NLGN1: variants seen among roughly 807,000 people sequenced by gnomAD.
The protein encoded by NLGN1 is neuroligin-1.
NLGN1 carries 12 observed loss-of-function variants against 65.5 expected under a neutral mutation model. That is an observed-to-expected ratio of 0.18 (90% confidence interval 0.12 to 0.30). The LOEUF is 0.30. Ranked by LOEUF, NLGN1 falls within the 10% of genes least tolerant of loss-of-function variation. The pLI, the probability that NLGN1 is intolerant of heterozygous loss-of-function variation, is 1.00. For synonymous variants in NLGN1, 350 were observed against 359.5 expected (o/e 0.97, Z 0.30); for missense variants, 750 against 1,007.1 (o/e 0.74, Z 3.46).
intron 3 of NLGN1, among the ~76,000 whole-genome samples, chr3:173,725,895 A>G (rs1771681345): frequency 6.6e-6 from 1 of 152,054 alleles, no homozygotes; most frequent in Non-Finnish European, 1.5e-5. Flanking sequence ...CTTACCTCCT[A>G]GATGCTGCCG....
At chr3:174,169,652 C>T (rs1728161469) in intron 4 of NLGN1, among the ~76,000 whole-genome samples, 1 of 152,076 alleles carries the variant, frequency 6.6e-6, no homozygotes, top group Non-Finnish European at 1.5e-5. Flanking sequence ...TAGAAAGGGC[C>T]TAGCTTCACC....
intron 3 of NLGN1, among the ~76,000 whole-genome samples, chr3:173,610,292 A>G (rs1752086975): frequency 6.6e-6 from 1 of 152,014 alleles, no homozygotes; most frequent in Admixed American, 6.6e-5. Context: ...TAAGATGGAA[A>G]GGAAGAAGGG....
At chr3:173,461,286 C>T (rs565636459) in intron 2 of NLGN1, among the ~76,000 whole-genome samples, 1 of 152,140 alleles carries the variant, frequency 6.6e-6, no homozygotes, top group African/African-American at 2.4e-5. Flanking sequence ...TCTAGCCAAA[C>T]ATGTGGTTAT....
chr3:173,668,369 C>A (rs907822858), intron 3 of NLGN1, among the ~76,000 whole-genome samples: 4 of 151,926 alleles, frequency 2.6e-5, no homozygotes, highest in Non-Finnish European at 4.4e-5. Context: ...AACCAAAATG[C>A]GTGCATTTTA....
chr3:174,097,961 G>T (rs1561035787), intron 4 of NLGN1, among the ~76,000 whole-genome samples: 1 of 152,144 alleles, frequency 6.6e-6, no homozygotes, highest in South Asian at 2.1e-4. Context: ...CATGTGTCTG[G>T]ATTACCTGTT....
chr3:174,170,902 A>G (rs1728399652), intron 4 of NLGN1, among the ~76,000 whole-genome samples: 1 of 152,224 alleles, frequency 6.6e-6, no homozygotes, highest in South Asian at 2.1e-4. Flanking sequence ...TATCCTTGTC[A>G]GATAACAGAA....
At chr3:174,031,032 C>A (rs1729922593) in intron 4 of NLGN1, among the ~76,000 whole-genome samples, 1 of 152,184 alleles carries the variant, frequency 6.6e-6, no homozygotes. Context: ...GGAAGGCTTA[C>A]ATATGGAAGA....
At chr3:173,944,124 GGTGTGTGTGT>G (rs1553897255) in intron 4 of NLGN1, among the ~76,000 whole-genome samples, 2 of 139,596 alleles carry the variant, frequency 1.4e-5, no homozygotes, top group South Asian at 2.3e-4. Context: ...TAATATTATG[GGTGTGTGTGT>G]GTGTGTGTGT....
At chr3:174,023,085 C>T (rs1379037530) in intron 4 of NLGN1, among the ~76,000 whole-genome samples, 5 of 152,004 alleles carry the variant, frequency 3.3e-5, no homozygotes, top group African/African-American at 1.2e-4. Flanking sequence ...AAGAGGGATT[C>T]AATGAGACAA....
chr3:173,717,107 A>G (rs1769987883), intron 3 of NLGN1, among the ~76,000 whole-genome samples: 1 of 152,164 alleles, frequency 6.6e-6, no homozygotes, highest in Non-Finnish European at 1.5e-5. Context: ...TGAGAAGTTG[A>G]TTAAGGAAAC....
intron 4 of NLGN1, among the ~76,000 whole-genome samples, chr3:174,238,746 A>C (rs1456501667): frequency 6.6e-6 from 1 of 152,180 alleles, no homozygotes; most frequent in Non-Finnish European, 1.5e-5. Context: ...CTTTGAACCC[A>C]ATTTCATAGA....
chr3:173,621,438 T>C (rs1317567924), intron 3 of NLGN1, among the ~76,000 whole-genome samples: 11 of 152,112 alleles, frequency 7.2e-5, no homozygotes, highest in Admixed American at 7.2e-4. Flanking sequence ...GATAAAATAT[T>C]GATTGTGGTA....
chr3:173,584,633 G>A (rs1266878267), intron 2 of NLGN1: 2 of 151,880 alleles, frequency 1.3e-5, no homozygotes, highest in Admixed American at 6.6e-5. Context: ...GCCGAAAGAA[G>A]TAACGTTGTT....
At position 174,280,927 on chromosome 3, in the gene NLGN1, A is replaced by G. The variant is rs1320435907; in HGVS notation, c.2096A>G (p.Tyr699Cys). 17 of 1,613,168 alleles carry G rather than the reference A, an allele frequency of 1.1e-5. No homozygotes were observed. Among genetic ancestry groups the G allele is most frequent in the Non-Finnish European group, 1.4e-5 (17 of 1,179,550 alleles). The stretch of plus-strand genomic sequence containing the variant: ...ATCTTGGCCTTTGCAGCCCTGTACT[A>G]CAAAAAGGATAAGAGGAGACATGAT... Residue 699 changes from tyrosine (Y) to cysteine (C), a missense_variant, in exon 7 of 7, where the codon TAC becomes TGC. Coordinates refer to ENST00000457714, the Ensembl canonical transcript of NLGN1. This position sits in a 1 kb window ranked among gnomAD's most constrained non-coding sequence, Gnocchi z 4.9.
chr3:174,251,192 AAAT>A (rs1246902056), intron 4 of NLGN1, among the ~76,000 whole-genome samples: 2 of 152,238 alleles, frequency 1.3e-5, no homozygotes, highest in Non-Finnish European at 2.9e-5. Context: ...AACATTTTTC[AAAT>A]AATGTTTATT....
chr3:174,004,072 T>G (rs1723869651), intron 4 of NLGN1, among the ~76,000 whole-genome samples: 1 of 152,128 alleles, frequency 6.6e-6, no homozygotes. Flanking sequence ...TTTTTCAGTG[T>G]CACTTAAAAT....
chr3:173,488,189 G>A (rs902124648), intron 2 of NLGN1, among the ~76,000 whole-genome samples: 1 of 151,778 alleles, frequency 6.6e-6, no homozygotes, highest in Non-Finnish European at 1.5e-5. Context: ...CTTTTCTAAA[G>A]TATAAGAATC....
chr3:174,163,501 G>T (rs1726950082), intron 4 of NLGN1, among the ~76,000 whole-genome samples: 1 of 151,886 alleles, frequency 6.6e-6, no homozygotes, highest in South Asian at 2.1e-4. Context: ...ATTGTGTGAT[G>T]CTTAGGTTTA....
chr3:173,465,513 A>G (rs1019242243), intron 2 of NLGN1, among the ~76,000 whole-genome samples: 2 of 152,228 alleles, frequency 1.3e-5, no homozygotes, highest in African/African-American at 4.8e-5. Flanking sequence ...GGTTTTAGCC[A>G]AATTTGATGT....
Sources: allele counts gnomAD v4.1 joint callset (sites outside exome capture counted in the v4.1 genomes callset), GRCh38; gene constraint gnomAD v4.1.1; non-coding constraint Gnocchi (gnomAD v3.1); transcripts MANE v1.5; gene names NCBI Gene and HGNC (gene_info 2026-07-23, HGNC 2026-07-21).